FER: variants seen among roughly 807,000 people sequenced by gnomAD.
FER encodes tyrosine-protein kinase Fer.
In FER, 63 loss-of-function variants were observed where a neutral mutation model predicts 111.0. That is an observed-to-expected ratio of 0.57 (90% CI 0.46 to 0.70). The LOEUF is 0.70. Ranked by LOEUF, FER falls within the 30% of genes least tolerant of loss-of-function variation. The pLI, the probability that FER is intolerant of heterozygous loss-of-function variation, is 0.00. For synonymous variants in FER, 327 were observed against 313.9 expected, an observed-to-expected ratio of 1.04 and a Z score of -0.44; for missense variants, 914 against 954.0, an observed-to-expected ratio of 0.96 and a Z score of 0.55.
chr5:108,896,084 G>C (rs936507152), intron 9 of FER, among the ~76,000 whole-genome samples: 37 of 151,758 alleles, frequency 2.4e-4, no homozygotes, highest in Non-Finnish European at 4.4e-5. Context: ...TGATATTCCG[G>C]AAGTACATGA....
rs189004784 is a variant in FER at position 108,878,589 on chromosome 5, T to C, written c.924-4807T>C. Among the ~76,000 whole-genome samples the C allele has an allele frequency of 1.1e-4, 17 of 152,272 alleles. No homozygotes were observed. In the East Asian group the frequency reaches 3.1e-3, roughly 28 times the overall value. ...TATTTATTGATGGGCATTTAGGTTATTTCCAGTTTTTTCCATTGATGGAGT... is the reference window on the plus strand; with the variant it reads ...TATTTATTGATGGGCATTTAGGTTACTTCCAGTTTTTTCCATTGATGGAGT... On this transcript the variant is annotated intron_variant, in intron 8 of 19. Coordinates refer to ENST00000281092, the MANE Select transcript of FER (RefSeq NM_005246.4).
At chr5:109,132,711 A>G (rs968619854) in intron 17 of FER, among the ~76,000 whole-genome samples, 2 of 152,148 alleles carry the variant, frequency 1.3e-5, no homozygotes, top group African/African-American at 4.8e-5. Context: ...CTCTGGGTAG[A>G]GGTTTGGAGG....
intron 19 of FER, among the ~76,000 whole-genome samples, chr5:109,186,678 A>G (rs971965461): frequency 6.6e-6 from 1 of 152,220 alleles, no homozygotes; most frequent in African/African-American, 2.4e-5. Flanking sequence ...ATTGAAATGC[A>G]GTTAGTCTTC....
At chr5:109,012,631 A>AGTATCATCT (rs1370955644) in intron 13 of FER, among the ~76,000 whole-genome samples, 3 of 152,248 alleles carry the variant, frequency 2.0e-5, no homozygotes, top group Non-Finnish European at 4.4e-5. Context: ...CTACATCAGC[A>AGTATCATCT]GTATCTGTAG....
At chr5:109,065,558 A>G (rs1171330213) in intron 16 of FER, among the ~76,000 whole-genome samples, 1 of 152,198 alleles carries the variant, frequency 6.6e-6, no homozygotes, top group Non-Finnish European at 1.5e-5. Flanking sequence ...ATGCATTAAT[A>G]TTAAGGAAGG....
chr5:109,171,419 A>C (rs1757079295), intron 17 of FER, among the ~76,000 whole-genome samples: 1 of 152,216 alleles, frequency 6.6e-6, no homozygotes, highest in Admixed American at 6.5e-5. Flanking sequence ...AATCTGTGGA[A>C]GTATTTAGTG....
Position 108,982,377 on chromosome 5 carries a change from T to A in FER, c.1656+23030T>A, listed in dbSNP as rs535625393. Reference sequence around the variant, plus strand: ...CTACCTTTGGTAATAAGAGAAAAAATTGCATTTATCAGGGACTAGGCTGGT... The same window carrying A: ...CTACCTTTGGTAATAAGAGAAAAAAATGCATTTATCAGGGACTAGGCTGGT... On this transcript the variant is annotated intron_variant, in intron 13 of 19. Transcript: ENST00000281092. Among the ~76,000 whole-genome samples the A allele has an allele frequency of 3.3e-5, 5 of 152,074 alleles. 1 individual carries two copies. Among genetic ancestry groups the A allele is most frequent in the African/African-American group, 1.2e-4 (5 of 41,506 alleles).
At chr5:109,161,519 T>C (rs973738698) in intron 17 of FER, among the ~76,000 whole-genome samples, 3 of 152,082 alleles carry the variant, frequency 2.0e-5, no homozygotes, top group Admixed American at 6.6e-5. Context: ...TGGTATTTGG[T>C]TTTCTCTTCC....
At chr5:109,008,164 C>G (rs1478228470) in intron 13 of FER, among the ~76,000 whole-genome samples, 1 of 152,090 alleles carries the variant, frequency 6.6e-6, no homozygotes, top group African/African-American at 2.4e-5. Flanking sequence ...AAGTGTATCT[C>G]TCTTTAACCT....
At chr5:108,843,652 C>T (rs978686237) in intron 5 of FER, among the ~76,000 whole-genome samples, 4 of 151,528 alleles carry the variant, frequency 2.6e-5, no homozygotes, top group South Asian at 4.2e-4. Flanking sequence ...CCTCAGCCTC[C>T]TGAGTAGCTG....
Position 109,102,721 on chromosome 5 carries a change from TATG to T in FER, c.2048+2205_2048+2207del, listed in dbSNP as rs1308076045. Among the ~76,000 whole-genome samples the T allele has an allele frequency of 2.0e-5, 3 of 152,196 alleles. No individual in the cohort carries two copies. In the East Asian group the frequency reaches 5.8e-4, roughly 29 times the overall value. On this transcript the variant is annotated intron_variant, in intron 17 of 19. Coordinates refer to ENST00000281092, the MANE Select transcript of FER (RefSeq NM_005246.4). ...TTAATCTTGAGTGCTAGATGAATTT[TATG>T]ATATCTCCCAACTAGTGGTCCTTTG...
chr5:109,187,706 G>T lies in FER; in HGVS notation c.*131G>T. On this transcript the variant is annotated 3_prime_UTR_variant, in exon 20 of 20. Coordinates refer to ENST00000281092, the MANE Select transcript of FER (RefSeq NM_005246.4). Reference sequence around the variant, plus strand: ...TCTACCATTATTTTTTATTAACTGGGTGTTTTAAAAGTACGTTCCACTTGT... The same window carrying T: ...TCTACCATTATTTTTTATTAACTGGTTGTTTTAAAAGTACGTTCCACTTGT... The T allele has an allele frequency of 1.7e-6, 2 of 1,190,444 alleles. No homozygotes were observed. The highest frequency in any genetic ancestry group is 1.5e-5 in the South Asian group (1 of 67,558). 73.7% of individuals were successfully genotyped at this position (1,190,444 alleles called of 1,614,324 possible).
chr5:108,949,422 A>G (rs1757432083), intron 11 of FER, among the ~76,000 whole-genome samples: 1 of 152,106 alleles, frequency 6.6e-6, no homozygotes, highest in Non-Finnish European at 1.5e-5. Flanking sequence ...AACAAGGGAA[A>G]ATAAAGATTT....
intron 13 of FER, among the ~76,000 whole-genome samples, chr5:108,971,701 T>C (rs1032872198): frequency 6.6e-6 from 1 of 152,076 alleles, no homozygotes; most frequent in Non-Finnish European, 1.5e-5. Context: ...ATCAGCATTT[T>C]CCCCCTATTT....
chr5:108,941,365 T>C lies in FER; in HGVS notation c.1237-4765T>C, dbSNP rs181616432. ...CTCTACTGTTCTTTTATACAAACTG[T>C]CTGGCCTACAATCAAAGATTATATG... On this transcript the variant is annotated intron_variant, in intron 10 of 19. Transcript: ENST00000281092. 1.2e-4 allele frequency among the ~76,000 whole-genome samples: 18 copies of C among 152,256 alleles called. No homozygotes were observed. The East Asian group carries it at 3.1e-3, about 26-fold the overall frequency.
Position 108,845,412 on chromosome 5 carries a change from A to G in FER, c.481+9605A>G, listed in dbSNP as rs545426421. Among the ~76,000 whole-genome samples, 7 of 151,392 alleles carry G rather than the reference A, an allele frequency of 4.6e-5. No homozygotes were observed. In the South Asian group the frequency reaches 1.5e-3, roughly 32 times the overall value. ...TGGTCAGGCTGGTCTTGAACTCCTG[A>G]CCTCAAGTGATATGCCTGCTCGGCC... On this transcript the variant is annotated intron_variant, in intron 5 of 19. Coordinates refer to ENST00000281092, the MANE Select transcript of FER (RefSeq NM_005246.4).
chr5:109,015,567 GAC>G (rs1766973532), intron 13 of FER, among the ~76,000 whole-genome samples: 1 of 151,946 alleles, frequency 6.6e-6, no homozygotes, highest in Non-Finnish European at 1.5e-5. Context: ...AGTGGAGACT[GAC>G]AGGTAAATAG....
chr5:108,785,458 G>A, intron 2 of FER: 2 of 578,004 alleles, frequency 3.5e-6, no homozygotes, highest in Non-Finnish European at 3.5e-6. Flanking sequence ...AACCACCCCA[G>A]TGTACCTCCC....
intron 13 of FER, among the ~76,000 whole-genome samples, chr5:109,025,609 T>A (rs1329752161): frequency 6.7e-6 from 1 of 149,436 alleles, no homozygotes; most frequent in Admixed American, 6.7e-5. Flanking sequence ...GAATACCCTT[T>A]ATTTCCTTCT....
Sources: allele counts gnomAD v4.1 joint callset (sites outside exome capture counted in the v4.1 genomes callset), GRCh38; gene constraint gnomAD v4.1.1; transcripts MANE v1.5; gene names NCBI Gene and HGNC (gene_info 2026-07-23, HGNC 2026-07-21).